ANO5: variants seen among roughly 807,000 people sequenced by gnomAD.
ANO5 encodes the protein anoctamin 5, also known as anoctamin-5.
Under a neutral mutation model 121.0 loss-of-function variants are expected in ANO5, and 109 were observed. That is an observed-to-expected ratio of 0.90 (90% CI 0.77 to 1.06). ANO5 has a LOEUF of 1.06. ANO5 is among the 50% of genes least tolerant of loss of function. ANO5 has a pLI of 0.00. For missense variants in ANO5, 1,064 were observed against 1,078.5 expected, an observed-to-expected ratio of 0.99 and a Z score of 0.19; for synonymous variants, 406 against 359.9, an observed-to-expected ratio of 1.13 and a Z score of -1.45.
intron 1 of ANO5, among the ~76,000 whole-genome samples, chr11:22,201,295 T>G (rs1356246962): frequency 6.6e-6 from 1 of 152,198 alleles, no homozygotes; most frequent in Non-Finnish European, 1.5e-5. Context: ...AAATCAAAAA[T>G]TGTGCTCACT....
At chr11:22,221,255 T>A (rs774090129) in intron 5 of ANO5, 45 bp downstream of exon 5, 2 of 1,454,156 alleles carry the variant, frequency 1.4e-6, no homozygotes, top group Non-Finnish European at 1.9e-6. Context: ...AAGAAGCACA[T>A]TTTATAATTT....
intron 4 of ANO5, 28 bp downstream of exon 4, chr11:22,218,315 T>C: frequency 6.2e-7 from 1 of 1,612,622 alleles, no homozygotes; most frequent in Non-Finnish European, 8.5e-7. Flanking sequence ...TGATGCTGCT[T>C]ATGCTCTGAA....
rs1375364428 is a variant in ANO5, at chr11:22,279,878, T to C, written c.*113T>C. 1,013 of 625,170 alleles carry C rather than the reference T, an allele frequency of 1.6e-3. No individual in the cohort carries two copies. Among genetic ancestry groups the C allele is most frequent in the East Asian group, 3.1e-3 (84 of 27,398 alleles). The allele number at this position is 625,170 out of a possible 1,614,324, so 38.7% of individuals were successfully genotyped here. A position where few individuals can be genotyped will look rare whatever the true frequency, so the allele number is the denominator to read the frequency against. On this transcript the variant is annotated 3_prime_UTR_variant, in exon 22 of 22. Transcript: ENST00000324559. ...TTTTACCCTTTCTTTTTTTTTTTTT[T>C]CTTTTTTTTTTTAAACTCAAAGTTT...
chr11:22,212,957 T>G (rs1311717975), intron 3 of ANO5, among the ~76,000 whole-genome samples: 1 of 151,480 alleles, frequency 6.6e-6, no homozygotes, highest in African/African-American at 2.4e-5. Flanking sequence ...CTAAGTGACT[T>G]TAAAATGATG....
Position 22,257,706 on chromosome 11 carries a change from C to T in ANO5, c.1359C>T (p.Tyr453=), listed in dbSNP as rs754889480. The T allele has an allele frequency of 1.2e-6, 2 of 1,612,516 alleles. No individual in the cohort carries two copies. The highest frequency in any genetic ancestry group is 1.7e-6 in the Non-Finnish European group (2 of 1,178,712). ...AGATGGAACCTTACATGCCTCTATACACGCGTATTCCATGGTACTTTCTTT... is the reference window on the plus strand; with the variant it reads ...AGATGGAACCTTACATGCCTCTATATACGCGTATTCCATGGTACTTTCTTT... ...TKEMEPYMPL[Y]TRIPWYFLSG... The change falls in exon 14 of 22, where the codon TAC becomes TAT. Residue 453 remains tyrosine (Y), a synonymous_variant. Coordinates refer to ENST00000324559, the MANE Select transcript of ANO5 (RefSeq NM_213599.3).
At chr11:22,239,366 G>T (rs1241379822) in intron 8 of ANO5, among the ~76,000 whole-genome samples, 1 of 151,968 alleles carries the variant, frequency 6.6e-6, no homozygotes, top group Non-Finnish European at 1.5e-5. Flanking sequence ...ACTTTTACTT[G>T]CATTTTGAGA....
At chr11:22,198,137 G>A (rs1851864192) in intron 1 of ANO5, among the ~76,000 whole-genome samples, 1 of 152,170 alleles carries the variant, frequency 6.6e-6, no homozygotes, top group African/African-American at 2.4e-5. Context: ...CTATCCTCTT[G>A]AATGTCCCGA....
At chr11:22,199,480 T>C (rs571478792) in intron 1 of ANO5, among the ~76,000 whole-genome samples, 2 of 152,234 alleles carry the variant, frequency 1.3e-5, no homozygotes, top group South Asian at 2.1e-4. Flanking sequence ...AGGAAAGATA[T>C]TTGTCAGTAG....
At chr11:22,225,841 T>G (rs111284449) in intron 5 of ANO5, 143 bp from the exon 6 acceptor site, 6 of 649,220 alleles carry the variant, frequency 9.2e-6, no homozygotes, top group Non-Finnish European at 1.7e-5. Flanking sequence ...GTACCTGACA[T>G]TCAGATGGAG....
intron 7 of ANO5, among the ~76,000 whole-genome samples, chr11:22,230,320 T>C (rs1852998506): frequency 6.6e-6 from 1 of 151,944 alleles, no homozygotes; most frequent in Admixed American, 6.6e-5. Context: ...TTCTTAAAGA[T>C]AGAGAATTAA....
Position 22,264,390 on chromosome 11 carries a change from C to A in ANO5, c.1898+1347C>A, listed in dbSNP as rs146537870. ...CCAGAGGACTGAATGGAGGCAATACCTAAACCAAACAGAAGATGGGGGATA... is the reference window on the plus strand; with the variant it reads ...CCAGAGGACTGAATGGAGGCAATACATAAACCAAACAGAAGATGGGGGATA... On this transcript the variant is annotated intron_variant, in intron 17 of 21. Coordinates refer to ENST00000324559, the MANE Select transcript of ANO5 (RefSeq NM_213599.3). 2.3e-3 allele frequency among the ~76,000 whole-genome samples: 348 copies of A among 151,266 alleles called. 3 individuals are homozygous for A. The highest frequency in any genetic ancestry group is 8.2e-3 in the African/African-American group (336 of 41,206).
chr11:22,229,468 A>G (rs766635133), intron 7 of ANO5, among the ~76,000 whole-genome samples: 24 of 151,980 alleles, frequency 1.6e-4, no homozygotes, highest in Non-Finnish European at 2.9e-4. Flanking sequence ...TTATGGGAAT[A>G]AAGAGCAAAT....
chr11:22,249,491 A>G (rs1853727326), intron 9 of ANO5, among the ~76,000 whole-genome samples: 1 of 152,106 alleles, frequency 6.6e-6, no homozygotes. Flanking sequence ...AGGTTAAACA[A>G]CAACAACAAG....
intron 14 of ANO5, 72 bp downstream of exon 14, chr11:22,257,826 C>A: frequency 7.9e-7 from 1 of 1,268,836 alleles, no homozygotes; most frequent in South Asian, 1.2e-5. Flanking sequence ...ACAGTGTTAC[C>A]TACAATGTCT....
chr11:22,272,680 C>A lies in ANO5; in HGVS notation c.2030-104C>A. The stretch of plus-strand genomic sequence containing the variant: ...GGATGGAAGCCTGGATTGTCGTATT[C>A]GTGTGGATCACTCCAAAACGAAGGA... On this transcript the variant is annotated intron_variant, in intron 18 of 21. Transcript: ENST00000324559. 3 of 1,039,926 alleles carry A rather than the reference C, an allele frequency of 2.9e-6. No homozygotes were observed. The East Asian group carries it at 7.6e-5, about 27-fold the overall frequency. 64.4% of individuals were successfully genotyped at this position (1,039,926 alleles called of 1,614,324 possible).
chr11:22,260,120 G>C (rs1243026094), intron 15 of ANO5, among the ~76,000 whole-genome samples: 1 of 152,112 alleles, frequency 6.6e-6, no homozygotes, highest in Non-Finnish European at 1.5e-5. Flanking sequence ...GGAAGTTATT[G>C]TGAGAAAAAC....
At chr11:22,245,487 T>C (rs1253320743) in intron 9 of ANO5, among the ~76,000 whole-genome samples, 1 of 152,198 alleles carries the variant, frequency 6.6e-6, no homozygotes, top group Non-Finnish European at 1.5e-5. Flanking sequence ...TTTTTAGTTT[T>C]TATATTTCTG....
rs528083802 is a variant in ANO5, at chr11:22,238,760, A to G, written c.763-809A>G. Among the ~76,000 whole-genome samples, 4 of 152,114 alleles carry G rather than the reference A, an allele frequency of 2.6e-5. No individual in the cohort carries two copies. The East Asian group carries it at 7.7e-4, about 29-fold the overall frequency. On this transcript the variant is annotated intron_variant, in intron 8 of 21. Coordinates refer to ENST00000324559, the MANE Select transcript of ANO5 (RefSeq NM_213599.3). Reference sequence around the variant, plus strand: ...TTTAACTTTCTTTTTCTTTTATTATACTTTAAGTTTTAGGGTACATGTGCA... The same window carrying G: ...TTTAACTTTCTTTTTCTTTTATTATGCTTTAAGTTTTAGGGTACATGTGCA...
chr11:22,273,817 T>C (rs1265440203), intron 19 of ANO5, among the ~76,000 whole-genome samples: 1 of 152,134 alleles, frequency 6.6e-6, no homozygotes, highest in African/African-American at 2.4e-5. Context: ...CCTCATTTAC[T>C]CCAATAAATT....
Sources: gnomAD v4.1 joint callset for allele counts (sites outside exome capture counted in the v4.1 genomes callset) on GRCh38, gnomAD v4.1.1 for gene constraint, MANE v1.5 for transcripts, NCBI Gene and HGNC (gene_info 2026-07-23, HGNC 2026-07-21) for gene names.